Variants in BRINP3 observed in about 807,000 individuals in gnomAD.
BRINP3 encodes the protein BMP/retinoic acid-inducible neural-specific protein 3.
BRINP3 carries 19 observed loss-of-function variants against 71.0 expected under a neutral mutation model. The observed-to-expected ratio is 0.27, with a 90% CI of 0.19 to 0.39. The LOEUF is 0.39. Among genes scored for constraint, BRINP3 ranks in the 10% least tolerant of loss-of-function variants. BRINP3 has a pLI of 1.00. For synonymous variants in BRINP3, 380 were observed against 337.7 expected, an observed-to-expected ratio of 1.13 and a Z score of -1.37; for missense variants, 959 against 940.8, an observed-to-expected ratio of 1.02 and a Z score of -0.25.
intron 2 of BRINP3, among the ~76,000 whole-genome samples, chr1:190,338,538 A>C (rs1667439860): frequency 6.6e-6 from 1 of 152,074 alleles, no homozygotes. Flanking sequence ...TTATTAAGAA[A>C]TGTTTGTAGA....
chr1:190,279,311 AC>A (rs1662863385), intron 3 of BRINP3, among the ~76,000 whole-genome samples: 1 of 151,870 alleles, frequency 6.6e-6, no homozygotes, highest in Non-Finnish European at 1.5e-5. Context: ...CATAATGAAA[AC>A]AACTTCAATG....
chr1:190,202,176 T>A (rs939611020), intron 6 of BRINP3, among the ~76,000 whole-genome samples: 1 of 152,162 alleles, frequency 6.6e-6, no homozygotes, highest in African/African-American at 2.4e-5. Flanking sequence ...TCCTCTTGTA[T>A]CAGCATGATC....
intron 6 of BRINP3, among the ~76,000 whole-genome samples, chr1:190,217,711 T>A (rs1656530051): frequency 1.3e-5 from 2 of 152,034 alleles, no homozygotes; most frequent in Non-Finnish European, 2.9e-5. Context: ...AGAAATAGTT[T>A]CAGGGATACT....
intron 7 of BRINP3, among the ~76,000 whole-genome samples, 158 bp downstream of exon 7, chr1:190,160,510 T>C (rs906427343): frequency 6.6e-6 from 1 of 151,690 alleles, no homozygotes; most frequent in Non-Finnish European, 1.5e-5. Context: ...GAAATAACTA[T>C]AATTTATTAT....
At chr1:190,156,902 T>C (rs1207967571) in intron 7 of BRINP3, among the ~76,000 whole-genome samples, 1 of 152,080 alleles carries the variant, frequency 6.6e-6, no homozygotes, top group African/African-American at 2.4e-5. Context: ...TTCCCACATT[T>C]TCATTACAAA....
At chr1:190,333,057 G>A (rs1667067561) in intron 2 of BRINP3, among the ~76,000 whole-genome samples, 1 of 151,802 alleles carries the variant, frequency 6.6e-6, no homozygotes, top group Non-Finnish European at 1.5e-5. Context: ...TATATTTGTT[G>A]ATAATAGTAA....
chr1:190,325,231 G>C (rs1027379883), intron 2 of BRINP3, among the ~76,000 whole-genome samples: 7 of 151,766 alleles, frequency 4.6e-5, no homozygotes, highest in Non-Finnish European at 1.0e-4. Flanking sequence ...TAAAATTTTT[G>C]ATTTGATTAT....
chr1:190,464,380 A>T (rs759769840), intron 1 of BRINP3, among the ~76,000 whole-genome samples: 1 of 151,958 alleles, frequency 6.6e-6, no homozygotes, highest in Non-Finnish European at 1.5e-5. Context: ...GTAAGTAGAG[A>T]CTGGATAGAT....
At chr1:190,348,732 T>C (rs1056540403) in intron 2 of BRINP3, among the ~76,000 whole-genome samples, 2 of 152,156 alleles carry the variant, frequency 1.3e-5, no homozygotes, top group African/African-American at 4.8e-5. Flanking sequence ...GCATGTTTAG[T>C]TTTTGCCTTC....
chr1:190,329,071 G>A (rs1370032169), intron 2 of BRINP3, among the ~76,000 whole-genome samples: 3 of 151,898 alleles, frequency 2.0e-5, no homozygotes, highest in African/African-American at 7.2e-5. Context: ...ATATAATGCT[G>A]ACCAGGCAAA....
chr1:190,301,237 A>C (rs1216767481), intron 2 of BRINP3, among the ~76,000 whole-genome samples: 1 of 133,716 alleles, frequency 7.5e-6, no homozygotes, highest in East Asian at 2.1e-4. Context: ...ATATATATAC[A>C]CACATACATA....
chr1:190,222,406 A>G (rs1378595607), intron 6 of BRINP3, among the ~76,000 whole-genome samples: 2 of 151,972 alleles, frequency 1.3e-5, no homozygotes, highest in African/African-American at 2.4e-5. Context: ...AATAACATCT[A>G]TATCAAGCGG....
intron 2 of BRINP3, among the ~76,000 whole-genome samples, chr1:190,346,954 T>G (rs1006882712): frequency 6.6e-6 from 1 of 152,088 alleles, no homozygotes; most frequent in African/African-American, 2.4e-5. Flanking sequence ...CAGAAGCCTC[T>G]CAATAAATAT....
intron 6 of BRINP3, among the ~76,000 whole-genome samples, chr1:190,182,303 G>A (rs1396952571): frequency 6.6e-6 from 1 of 151,910 alleles, no homozygotes; most frequent in African/African-American, 2.4e-5. Flanking sequence ...CTTCTTGCAG[G>A]CTTCTGATGA....
intron 2 of BRINP3, among the ~76,000 whole-genome samples, chr1:190,306,350 A>G (rs1238970308): frequency 6.6e-6 from 1 of 151,934 alleles, no homozygotes; most frequent in Non-Finnish European, 1.5e-5. Context: ...ATCTGAATTT[A>G]AATAAGCGAT....
At chr1:190,364,746 A>T (rs551316030) in intron 2 of BRINP3, among the ~76,000 whole-genome samples, 1 of 152,292 alleles carries the variant, frequency 6.6e-6, no homozygotes, top group Admixed American at 6.5e-5. Context: ...ACCATAAAAT[A>T]AATTTTAATA....
chr1:190,343,343 TA>T (rs1249837255), intron 2 of BRINP3, among the ~76,000 whole-genome samples: 8 of 151,946 alleles, frequency 5.3e-5, no homozygotes, highest in African/African-American at 1.9e-4. Context: ...TACAGATGAA[TA>T]AATGCAGAAA....
chr1:190,343,792 A>G (rs1337601856), intron 2 of BRINP3, among the ~76,000 whole-genome samples: 1 of 151,686 alleles, frequency 6.6e-6, no homozygotes, highest in African/African-American at 2.4e-5. Flanking sequence ...AATTATTTTT[A>G]CTCAAAAATG....
At chr1:190,220,804 C>T (rs1656817039) in intron 6 of BRINP3, among the ~76,000 whole-genome samples, 2 of 152,032 alleles carry the variant, frequency 1.3e-5, no homozygotes, top group African/African-American at 4.8e-5. Flanking sequence ...AAAGTAAAAA[C>T]ATACAAATAT....
Sources: allele counts gnomAD v4.1 joint callset (sites outside exome capture counted in the v4.1 genomes callset), GRCh38; gene constraint gnomAD v4.1.1; transcripts MANE v1.5; gene names NCBI Gene and HGNC (gene_info 2026-07-23, HGNC 2026-07-21).